The following PUM1 variants were observed in gnomAD, a reference collection of about 807,000 sequenced individuals.
The protein encoded by PUM1 is pumilio RNA binding family member 1.
PUM1 carries 13 observed loss-of-function variants against 131.8 expected under a neutral mutation model. That is an observed-to-expected ratio of 0.10 (90% CI 0.06 to 0.16). The LOEUF is 0.16. Among genes scored for constraint, PUM1 ranks in the 10% least tolerant of loss-of-function variants. The pLI is 1.00. For synonymous variants in PUM1, 509 were observed against 556.5 expected (o/e 0.91, Z 1.20); for missense variants, 961 against 1,512.4 (o/e 0.64, Z 6.05).
intron 2 of PUM1, among the ~76,000 whole-genome samples, chr1:31,033,646 G>A (rs954212098): frequency 9.9e-5 from 15 of 151,942 alleles, no homozygotes; most frequent in Admixed American, 3.3e-4. Context: ...GCTTACAGGT[G>A]TTAGCCACCA....
intron 2 of PUM1, among the ~76,000 whole-genome samples, chr1:31,036,281 A>G (rs1643609337): frequency 6.6e-6 from 1 of 152,126 alleles, no homozygotes; most frequent in Non-Finnish European, 1.5e-5. Context: ...CATGTTGGCC[A>G]GGCTGGTCTT....
At chr1:30,987,693 C>G (rs928236689) in intron 7 of PUM1, among the ~76,000 whole-genome samples, 4 of 152,160 alleles carry the variant, frequency 2.6e-5, no homozygotes, top group African/African-American at 9.7e-5. Context: ...TTAGAAATAA[C>G]AACGAGCATT....
At chr1:30,962,331 G>T (rs551091131) in intron 14 of PUM1, among the ~76,000 whole-genome samples, 1 of 152,172 alleles carries the variant, frequency 6.6e-6, no homozygotes, top group Non-Finnish European at 1.5e-5. Flanking sequence ...TGATGCTTTA[G>T]AAAGAGGAAA....
chr1:31,048,691 G>A (rs932275787), intron 2 of PUM1, among the ~76,000 whole-genome samples: 2 of 151,566 alleles, frequency 1.3e-5, no homozygotes, highest in Admixed American at 6.6e-5. Flanking sequence ...AGCCAGGACA[G>A]TCTCAATCTC....
chr1:31,035,182 T>C (rs542010128), intron 2 of PUM1, among the ~76,000 whole-genome samples: 1 of 152,270 alleles, frequency 6.6e-6, no homozygotes, highest in African/African-American at 2.4e-5. Flanking sequence ...AGTGGGTCCC[T>C]TGAGCCTGCG....
chr1:31,024,539 A>G (rs1429912963), intron 3 of PUM1, among the ~76,000 whole-genome samples: 1 of 152,188 alleles, frequency 6.6e-6, no homozygotes, highest in African/African-American at 2.4e-5. Context: ...TTCTAAGACA[A>G]AGGTGAAGAG....
At chr1:30,989,600 G>C in intron 7 of PUM1, among the ~76,000 whole-genome samples, 1 of 61,432 alleles carries the variant, frequency 1.6e-5, no homozygotes, top group East Asian at 6.2e-4. Flanking sequence ...AAAAAAAAAA[G>C]AACCACTTCT....
At chr1:30,975,358 T>G (rs2124459899) in intron 9 of PUM1, among the ~76,000 whole-genome samples, 1 of 147,310 alleles carries the variant, frequency 6.8e-6, no homozygotes, top group East Asian at 2.0e-4. Flanking sequence ...TTTTTTTTGT[T>G]TTTTTGTTTT....
chr1:30,989,087 T>G (rs1351598369), intron 7 of PUM1, among the ~76,000 whole-genome samples: 3 of 152,212 alleles, frequency 2.0e-5, no homozygotes, highest in South Asian at 4.1e-4. Context: ...TCTCATTTCC[T>G]ATAGGCAACA....
At chr1:31,002,650 GAATA>G (rs1036323994) in intron 5 of PUM1, among the ~76,000 whole-genome samples, 5 of 152,028 alleles carry the variant, frequency 3.3e-5, no homozygotes, top group Non-Finnish European at 5.9e-5. Flanking sequence ...TCTACTCCAA[GAATA>G]AATAAAGGAT....
intron 2 of PUM1, among the ~76,000 whole-genome samples, chr1:31,056,586 G>A (rs1365350338): frequency 2.9e-5 from 4 of 136,612 alleles, no homozygotes; most frequent in Non-Finnish European, 6.2e-5. Context: ...CAGCCTTACA[G>A]CTGAAAACCT....
At chr1:30,988,893 G>C (rs1029753142) in intron 7 of PUM1, among the ~76,000 whole-genome samples, 3 of 152,104 alleles carry the variant, frequency 2.0e-5, no homozygotes, top group African/African-American at 7.2e-5. Flanking sequence ...CATTAATTTA[G>C]CACTTAGTTC....
chr1:30,998,834 A>AT (rs1183448412), intron 5 of PUM1, among the ~76,000 whole-genome samples: 3 of 152,160 alleles, frequency 2.0e-5, no homozygotes, highest in Non-Finnish European at 4.4e-5. Context: ...TATTTCATTA[A>AT]TAGACAGCAG....
In PUM1 at chr1:31,006,014, G is replaced by C; in HGVS notation, c.559C>G (p.Pro187Ala). The C allele has an allele frequency of 1.2e-6, 2 of 1,601,914 alleles. No individual in the cohort carries two copies. The highest frequency in any genetic ancestry group is 1.7e-6 in the Non-Finnish European group (2 of 1,175,786). ...CCAGGTCTTCTCTGCACCATGATTG[G>C]CTGGGAAACTGAATGATCTACAAAA... is the stretch of plus-strand genomic sequence containing the variant. ...WGTSDHSVSQ[P>A]IMVQRRPGQS... The change falls in exon 5 of 22, where the codon CCA (proline) becomes GCA (alanine). Residue 187 changes from proline to alanine, a missense_variant. Coordinates refer to ENST00000426105, the MANE Select transcript of PUM1 (RefSeq NM_001020658.2).
At chr1:30,991,575 C>T (rs1999810) in intron 7 of PUM1, among the ~76,000 whole-genome samples, 101,484 of 152,070 alleles carry the variant, frequency 0.67, 34,865 homozygotes, top group East Asian at 0.85. Flanking sequence ...TAGAAGTCTG[C>T]ATTAACGATC....
chr1:31,005,766 G>T, intron 5 of PUM1, 87 bp downstream of exon 5: 1 of 1,283,746 alleles, frequency 7.8e-7, no homozygotes, highest in Non-Finnish European at 1.1e-6. Flanking sequence ...AAACTAAACA[G>T]GCATGTTTTG....
intron 20 of PUM1, among the ~76,000 whole-genome samples, chr1:30,940,060 C>T (rs2124385793): frequency 6.6e-6 from 1 of 152,248 alleles, no homozygotes; most frequent in East Asian, 1.9e-4. Flanking sequence ...CAAAACAAAA[C>T]AATATAAAGT....
intron 3 of PUM1, among the ~76,000 whole-genome samples, chr1:31,007,370 C>T (rs150950792): frequency 7.2e-5 from 11 of 152,264 alleles, no homozygotes; most frequent in Middle Eastern, 3.4e-3. Context: ...TAGAATTACT[C>T]GCTTAACCCA....
intron 3 of PUM1, among the ~76,000 whole-genome samples, chr1:31,007,977 C>T (rs1642454546): frequency 6.6e-6 from 1 of 152,142 alleles, no homozygotes; most frequent in African/African-American, 2.4e-5. Context: ...GACTAAAATG[C>T]CCCCTCTTAT....
Sources: gnomAD v4.1 joint callset for allele counts (sites outside exome capture counted in the v4.1 genomes callset) on GRCh38, gnomAD v4.1.1 for gene constraint, MANE v1.5 for transcripts, NCBI Gene and HGNC (gene_info 2026-07-23, HGNC 2026-07-21) for gene names.